Variants in COQ9 observed in about 807,000 individuals in gnomAD.
COQ9 encodes the protein ubiquinone biosynthesis protein COQ9, mitochondrial.
In COQ9, 35 loss-of-function variants were observed where a neutral mutation model predicts 42.4. The ratio of observed to expected loss-of-function variants is 0.83; its 90% CI spans 0.63 to 1.10. The LOEUF (loss-of-function observed/expected upper bound fraction) is 1.10, where lower values mean the gene tolerates loss of function less well. Among genes scored for constraint, COQ9 ranks in the 50% least tolerant of loss-of-function variants. The pLI, the probability that COQ9 is intolerant of heterozygous loss-of-function variation, is 0.00. For missense variants in COQ9, 406 were observed against 414.6 expected (o/e 0.98, Z 0.18); for synonymous variants, 155 against 155.1 (o/e 1.00, Z 0.00).
chr16:57,460,904 C>CA lies in COQ9; in HGVS notation c.*281dup, dbSNP rs2030521666. Reference sequence around the variant, plus strand: ...TTGAAAAATGAGATGTTCATCCAAGCAGTCAAGCCACAGAAACCCAGCATG... The same window carrying CA: ...TTGAAAAATGAGATGTTCATCCAAGCAAGTCAAGCCACAGAAACCCAGCATG... On this transcript the variant is annotated 3_prime_UTR_variant, in exon 9 of 9. Coordinates refer to ENST00000262507, the MANE Select transcript of COQ9 (RefSeq NM_020312.4). 2 of 445,184 alleles carry CA rather than the reference C, an allele frequency of 4.5e-6. No individual in the cohort carries two copies. The highest frequency in any genetic ancestry group is 4.0e-5 in the African/African-American group (2 of 49,908). The allele number at this position is 445,184 out of a possible 1,614,324, so 27.6% of individuals were successfully genotyped here. A position where few individuals can be genotyped will look rare whatever the true frequency, so the allele number is the denominator to read the frequency against.
Position 57,452,877 on chromosome 16 carries a change from G to A in COQ9, c.319G>A (p.Ala107Thr). ...GTTGCAGCACCGCATCCTGACGGCA[G>A]CCCTTGAGTTTGTGCCCGCCCACGG... Reference protein sequence around the residue: ...EQLQHRILTAALEFVPAHGWT... With the variant: ...EQLQHRILTATLEFVPAHGWT... The change falls in exon 3 of 9, where the codon GCC becomes ACC. Residue 107 changes from alanine to threonine, a missense_variant. Physicochemically the swap from Ala to Thr is moderately conservative, Grantham distance 58 (BLOSUM62 0). Coordinates refer to ENST00000262507, the MANE Select transcript of COQ9 (RefSeq NM_020312.4). The A allele has an allele frequency of 6.2e-7, 1 of 1,613,870 alleles. No homozygotes were observed.
chr16:57,451,280 C>T lies in COQ9; in HGVS notation c.242+72C>T. On this transcript the variant is annotated intron_variant, in intron 2 of 8. Transcript: ENST00000262507. The stretch of plus-strand genomic sequence containing the variant: ...TGTCTGTTCCTCCTTCACTTCCTCT[C>T]TCCTCTCCATCCCCTTTTGTACCTT... 3.4e-6 allele frequency: 5 copies of T among 1,460,034 alleles called. No homozygotes were observed. The South Asian group carries it at 5.7e-5, about 17-fold the overall frequency. 90.4% of individuals were successfully genotyped at this position (1,460,034 alleles called of 1,614,324 possible).
chr16:57,460,581 C>T lies in COQ9; in HGVS notation c.922-8C>T, dbSNP rs376909829. ...TCACTATTCTCTTTATTTCCATTCC[C>T]GTGTCAGCTCAAGAACTTGACAGGT... On this transcript the variant is annotated splice_polypyrimidine_tract_variant and splice_region_variant and intron_variant, in intron 8 of 8. Transcript: ENST00000262507. 7.4e-5 allele frequency: 120 copies of T among 1,613,620 alleles called. No individual in the cohort carries two copies. Among genetic ancestry groups the T allele is most frequent in the Middle Eastern group, 1.6e-4 (1 of 6,084 alleles).
chr16:57,456,814 T>G, intron 4 of COQ9, 117 bp from the exon 5 acceptor site: 1 of 1,282,388 alleles, frequency 7.8e-7, no homozygotes, highest in South Asian at 1.2e-5. Context: ...CTGACGGCTT[T>G]AGTCAGGCCA....
At chr16:57,458,634 C>T (rs188736092) in intron 6 of COQ9, among the ~76,000 whole-genome samples, 1 of 152,276 alleles carries the variant, frequency 6.6e-6, no homozygotes, top group African/African-American at 2.4e-5. Flanking sequence ...ATTGGGCTGC[C>T]ATTTTATTAT....
Position 57,461,207 on chromosome 16 carries a change from A to T in COQ9, c.*583A>T. On this transcript the variant is annotated 3_prime_UTR_variant, in exon 9 of 9. Coordinates refer to ENST00000262507, the MANE Select transcript of COQ9 (RefSeq NM_020312.4). ...AGGCCTGGTGTCACATGACACCAGC[A>T]TGCATTGCAGGATTATTAGTGTATT... 1 of 453,440 alleles carries T rather than the reference A, an allele frequency of 2.2e-6. No individual in the cohort carries two copies. The highest frequency in any genetic ancestry group is 4.4e-6 in the Non-Finnish European group (1 of 225,162). The allele number at this position is 453,440 out of a possible 1,614,324, so 28.1% of individuals were successfully genotyped here. A position where few individuals can be genotyped will look rare whatever the true frequency, so the allele number is the denominator to read the frequency against.
At position 57,458,370 on chromosome 16, in the gene COQ9, C is replaced by A. The variant is rs1475702332; in HGVS notation, c.711+20C>A. On this transcript the variant is annotated intron_variant, in intron 6 of 8. Coordinates refer to ENST00000262507, the MANE Select transcript of COQ9 (RefSeq NM_020312.4). ...ACTGATGTGAGTGCTTTCTGCAGGC[C>A]CACAGGAGGCTGGGAAAGGCTTGTG... The A allele has an allele frequency of 1.3e-6, 2 of 1,539,970 alleles. No homozygotes were observed. The highest frequency in any genetic ancestry group is 2.3e-5 in the South Asian group (2 of 87,846).
Position 57,456,515 on chromosome 16 carries a change from C to T in COQ9, c.390C>T (p.Leu130=), listed in dbSNP as rs1325645879. 6.2e-7 allele frequency: 1 copy of T among 1,614,166 alleles called. No individual in the cohort carries two copies. The highest frequency in any genetic ancestry group is 1.1e-5 in the South Asian group (1 of 91,080). Residue 130 remains leucine, a synonymous_variant, in exon 4 of 9, where the codon CTC becomes CTT. Coordinates refer to ENST00000262507, the MANE Select transcript of COQ9 (RefSeq NM_020312.4). The stretch of plus-strand genomic sequence containing the variant: ...CTCCCCTTTTGTAGTCTCTGGGTCT[C>T]TCCAGTGCAGCAGCCAGCATGTTCG... ...AIAEGAQSLG[L]SSAAASMFGK...
At position 57,452,156 on chromosome 16, in the gene COQ9, T is replaced by C. The variant is rs1843574687; in HGVS notation, c.243-645T>C. On this transcript the variant is annotated intron_variant, in intron 2 of 8. Coordinates refer to ENST00000262507, the MANE Select transcript of COQ9 (RefSeq NM_020312.4). ...GGCCCTGTGAGTAATATAGCATTAC[T>C]CCTGCCCTCAGGGAGGTAGTCTGGT... Among the ~76,000 whole-genome samples, 3 of 152,342 alleles carry C rather than the reference T, an allele frequency of 2.0e-5. No homozygotes were observed. The South Asian group carries it at 6.2e-4, about 32-fold the overall frequency.
At chr16:57,456,399 G>A (rs370935199) in intron 3 of COQ9, 105 bp from the exon 4 acceptor site, 1 of 1,328,986 alleles carries the variant, frequency 7.5e-7, no homozygotes, top group East Asian at 2.3e-5. Context: ...CCAGAGTGAA[G>A]AAATCAAGCT....
chr16:57,459,570 C>G lies in COQ9; in HGVS notation c.717C>G (p.Asn239Lys), dbSNP rs1212411654. The change falls in exon 7 of 9, where the codon AAC becomes AAG. Residue 239 changes from asparagine (N) to lysine (K), a missense_variant. Physicochemically the swap from Asn to Lys is moderately conservative, Grantham distance 94 (BLOSUM62 0). Coordinates refer to ENST00000262507, the MANE Select transcript of COQ9 (RefSeq NM_020312.4). ...TAGTGTGGGTTTCTTTACAGTTTAA[C>G]TGGTACACCCGCCGAGCCATGCTGG... is the stretch of plus-strand genomic sequence containing the variant. ...HYAGDQSTDFNWYTRRAMLAA... is the reference protein window; with the variant it reads ...HYAGDQSTDFKWYTRRAMLAA... 9 of 1,614,150 alleles carry G rather than the reference C, an allele frequency of 5.6e-6. No individual in the cohort carries two copies. The highest frequency in any genetic ancestry group is 7.6e-6 in the Non-Finnish European group (9 of 1,180,032).
chr16:57,448,335 C>CT lies in COQ9; in HGVS notation c.73+765dup, dbSNP rs1211371768. 1.6e-3 allele frequency among the ~76,000 whole-genome samples: 243 copies of CT among 148,766 alleles called. 4 individuals carry two copies. Among genetic ancestry groups the CT allele is most frequent in the Admixed American group, 3.4e-3 (50 of 14,908 alleles). ...TATTTTGGCACATACTATTCTGTTT[C>CT]TTTTTTTTCTTTTTTTTTTTTTTCT... On this transcript the variant is annotated intron_variant, in intron 1 of 8. Transcript: ENST00000262507.
At chr16:57,455,036 A>G (rs1598038050) in intron 3 of COQ9, among the ~76,000 whole-genome samples, 1 of 152,148 alleles carries the variant, frequency 6.6e-6, no homozygotes, top group East Asian at 1.9e-4. Context: ...GGAGGCAGAG[A>G]GAGACTCATT....
chr16:57,453,005 G>A (rs763205209), intron 3 of COQ9, 69 bp downstream of exon 3: 19 of 1,598,888 alleles, frequency 1.2e-5, no homozygotes, highest in Admixed American at 5.0e-5. Context: ...AGGCAGAGCG[G>A]GGGGCCTCAT....
intron 7 of COQ9, 106 bp downstream of exon 7, chr16:57,459,826 G>T (rs1361396766): frequency 7.3e-7 from 1 of 1,364,770 alleles, no homozygotes. Context: ...CAGTCCTGAG[G>T]GCCTTCCCAA....
chr16:57,451,751 A>G (rs909508509), intron 2 of COQ9, among the ~76,000 whole-genome samples: 3 of 152,210 alleles, frequency 2.0e-5, no homozygotes, highest in Admixed American at 6.5e-5. Flanking sequence ...ATGTCTTTTC[A>G]TAGCTTAATA....
At position 57,459,908 on chromosome 16, in the gene COQ9, G is replaced by A. The variant is rs2030492448; in HGVS notation, c.868-143G>A. ...ACTTTGCTCATTTGCATTTGTGATT[G>A]TGTTGTCCAAAGCTCTCCTTCCAGT... On this transcript the variant is annotated intron_variant, in intron 7 of 8. Coordinates refer to ENST00000262507, the MANE Select transcript of COQ9 (RefSeq NM_020312.4). 5.0e-6 allele frequency: 5 copies of A among 992,260 alleles called. No homozygotes were observed. In the Admixed American group the frequency reaches 5.8e-5, roughly 12 times the overall value. The allele number at this position is 992,260 out of a possible 1,614,324, so 61.5% of individuals were successfully genotyped here. A position where few individuals can be genotyped will look rare whatever the true frequency, so the allele number is the denominator to read the frequency against.
At chr16:57,457,612 T>C (rs1464914818) in intron 5 of COQ9, among the ~76,000 whole-genome samples, 2 of 152,220 alleles carry the variant, frequency 1.3e-5, no homozygotes, top group Non-Finnish European at 2.9e-5. Context: ...GGAAGACTAC[T>C]AAGCACGTAG....
At position 57,459,738 on chromosome 16, in the gene COQ9, A is replaced by C. The variant is rs1189544168; in HGVS notation, c.867+18A>C. The C allele has an allele frequency of 6.2e-7, 1 of 1,613,856 alleles. No homozygotes were observed. The highest frequency in any genetic ancestry group is 1.7e-5 in the Admixed American group (1 of 60,026). On this transcript the variant is annotated intron_variant, in intron 7 of 8. Transcript: ENST00000262507. The stretch of plus-strand genomic sequence containing the variant: ...CCAAGCAGGTAGGTGGGGACTAGCC[A>C]TTGGGGAACCCTCTTTAGAAGGCAT...
Sources: gnomAD v4.1 joint callset for allele counts (sites outside exome capture counted in the v4.1 genomes callset) on GRCh38, gnomAD v4.1.1 for gene constraint, MANE v1.5 for transcripts, NCBI Gene and HGNC (gene_info 2026-07-23, HGNC 2026-07-21) for gene names.